ANKRD46: variants seen among roughly 807,000 people sequenced by gnomAD.
The protein encoded by ANKRD46 is ankyrin repeat domain 46.
A neutral mutation model predicts 19.8 loss-of-function variants in ANKRD46; 13 were observed. That is an observed-to-expected ratio of 0.66 (90% confidence interval 0.43 to 1.04). ANKRD46 has a LOEUF of 1.04. Ranked by LOEUF, ANKRD46 falls within the 50% of genes least tolerant of loss-of-function variation. The probability of loss-of-function intolerance (pLI) is 0.00; values close to 1 mark genes in which losing one functional copy is unlikely to be tolerated. For missense variants in ANKRD46, 185 were observed against 274.8 expected, an observed-to-expected ratio of 0.67 and a Z score of 2.31; for synonymous variants, 91 against 106.9, an observed-to-expected ratio of 0.85 and a Z score of 0.92.
intron 1 of ANKRD46, among the ~76,000 whole-genome samples, chr8:100,540,868 C>G (rs927995042): frequency 5.3e-5 from 8 of 152,002 alleles, no homozygotes; most frequent in Non-Finnish European, 1.0e-4. Context: ...ACTTCCTCCT[C>G]AGGAGGTTTC....
rs1812231656 is a variant in ANKRD46 at position 100,544,367 on chromosome 8, C to G, written c.-130-11056G>C. Among the ~76,000 whole-genome samples the G allele has an allele frequency of 1.3e-5, 2 of 152,202 alleles. No homozygotes were observed. Among genetic ancestry groups the G allele is most frequent in the African/African-American group, 4.8e-5 (2 of 41,452 alleles). On this transcript the variant is annotated intron_variant, in intron 1 of 4. Transcript: ENST00000335659. The surrounding 1 kb of genome is among the most constrained non-coding windows in gnomAD (Gnocchi z 4.4). The stretch of plus-strand genomic sequence containing the variant: ...AGGGGCCTAGCAATTGGAGAAAAGA[C>G]TATAATCAACATCTAGAAAGAAGTG...
At chr8:100,528,025 A>C (rs1563927480) in intron 3 of ANKRD46, 22 bp from the exon 4 acceptor site, 1 of 1,518,146 alleles carries the variant, frequency 6.6e-7, no homozygotes, top group South Asian at 1.3e-5. Flanking sequence ...AAAAAAAAAA[A>C]AAGTTTATAA....
At chr8:100,553,103 A>G (rs532473717) in intron 1 of ANKRD46, among the ~76,000 whole-genome samples, 15 of 152,374 alleles carry the variant, frequency 9.8e-5, no homozygotes, top group African/African-American at 3.4e-4. Flanking sequence ...GAGATTGAAC[A>G]CTGACTGAGA....
At position 100,559,646 on chromosome 8, in the gene ANKRD46, G is replaced by A. The variant is rs1369342899; in HGVS notation, c.-131+65C>T. On this transcript the variant is annotated intron_variant, in intron 1 of 4. Coordinates refer to ENST00000335659, the MANE Select transcript of ANKRD46 (RefSeq NM_001270377.2). The surrounding 1 kb of genome is among the most constrained non-coding windows in gnomAD (Gnocchi z 6.0). ...GCCTACTGGACCTCCAGTGCTACAG[G>A]GACGGTGCAGGAGATATCAAGTGGC... 4 of 152,460 alleles carry A rather than the reference G, an allele frequency of 2.6e-5. No homozygotes were observed. The highest frequency in any genetic ancestry group is 2.9e-5 in the Non-Finnish European group (2 of 68,216). 9.4% of individuals were successfully genotyped at this position (152,460 alleles called of 1,614,324 possible).
chr8:100,558,612 A>G (rs1812549566), intron 1 of ANKRD46, among the ~76,000 whole-genome samples: 1 of 152,222 alleles, frequency 6.6e-6, no homozygotes, highest in African/African-American at 2.4e-5. Context: ...TCCTGCATAT[A>G]ACCATGAAAA....
downstream of ANKRD46, chr8:100,520,741 T>TAAAAAAAAAAAAA (rs5893523): frequency 7.4e-6 from 5 of 677,886 alleles, no homozygotes; most frequent in African/African-American, 2.4e-5. Context: ...TATAATACAC[T>TAAAAAAAAAAAAA]AAAAAAAAAA....
At chr8:100,533,109 A>G (rs1811998330) in intron 2 of ANKRD46, 100 bp downstream of exon 2, 2 of 152,222 alleles carry the variant, frequency 1.3e-5, no homozygotes, top group South Asian at 2.1e-4. Context: ...AAGCCCAATG[A>G]TAGTTATTTT....
intron 3 of ANKRD46, 126 bp from the exon 4 acceptor site, chr8:100,528,129 A>C: frequency 2.0e-5 from 21 of 1,046,730 alleles, no homozygotes; most frequent in Non-Finnish European, 2.4e-5. Flanking sequence ...AATGGGCCCA[A>C]TTAGGGCCTA....
In ANKRD46 at chr8:100,545,321, G is replaced by A. The variant is rs11993822; in HGVS notation, c.-130-12010C>T. Among the ~76,000 whole-genome samples, 19,307 of 152,082 alleles carry A rather than the reference G, an allele frequency of 0.13. 2,502 individuals carry two copies. Among genetic ancestry groups the A allele is most frequent in the African/African-American group, 0.32 (13,376 of 41,422 alleles). On this transcript the variant is annotated intron_variant, in intron 1 of 4. Coordinates refer to ENST00000335659, the MANE Select transcript of ANKRD46 (RefSeq NM_001270377.2). The surrounding 1 kb of genome is among the most constrained non-coding windows in gnomAD (Gnocchi z 4.7). ...ACATATCAAGGAAGGGACCTGGTGGGAGGTGAATGGAGCATGGGGGTGGTT... is the reference window on the plus strand; with the variant it reads ...ACATATCAAGGAAGGGACCTGGTGGAAGGTGAATGGAGCATGGGGGTGGTT...
At position 100,532,975 on chromosome 8, in the gene ANKRD46, T is replaced by C. The variant is rs956776499; in HGVS notation, c.-28+234A>G. 6.6e-6 allele frequency among the ~76,000 whole-genome samples: 1 copy of C among 152,244 alleles called. No homozygotes were observed. The highest frequency in any genetic ancestry group is 1.5e-5 in the Non-Finnish European group (1 of 68,040). On this transcript the variant is annotated intron_variant, in intron 2 of 4. Transcript: ENST00000335659. This position sits in a 1 kb window ranked among gnomAD's most constrained non-coding sequence, Gnocchi z 4.7. ...TCTTGTGGTTTGCAGACTAGGATACTTCTGAGTGTTGGCTCAGCAAGAAAT... is the reference window on the plus strand; with the variant it reads ...TCTTGTGGTTTGCAGACTAGGATACCTCTGAGTGTTGGCTCAGCAAGAAAT...
intron 1 of ANKRD46, among the ~76,000 whole-genome samples, chr8:100,558,006 A>G (rs1463529936): frequency 6.6e-6 from 1 of 152,216 alleles, no homozygotes; most frequent in Non-Finnish European, 1.5e-5. Flanking sequence ...CTCCTGGAAG[A>G]CAAGGACTTC....
Position 100,510,865 on chromosome 8 carries a change from T to C in ANKRD46, c.637-226A>G, listed in dbSNP as rs932618400. On this transcript the variant is annotated intron_variant, in intron 5 of 5. Coordinates refer to the ANKRD46 transcript ENST00000520552. The surrounding 1 kb of genome is among the most constrained non-coding windows in gnomAD (Gnocchi z 4.9). ...AGGCTGGGAAGATTGGCAAGGACTG[T>C]GTTCAATGTCCTCTCGAGCTAATAA... 3.9e-5 allele frequency among the ~76,000 whole-genome samples: 6 copies of C among 152,162 alleles called. No homozygotes were observed. The highest frequency in any genetic ancestry group is 6.5e-5 in the Admixed American group (1 of 15,276).
In ANKRD46 at chr8:100,537,206, C is replaced by A. The variant is rs148141173; in HGVS notation, c.-130-3895G>T. On this transcript the variant is annotated intron_variant, in intron 1 of 4. Coordinates refer to ENST00000335659, the MANE Select transcript of ANKRD46 (RefSeq NM_001270377.2). This position sits in a 1 kb window ranked among gnomAD's most constrained non-coding sequence, Gnocchi z 4.2. Reference sequence around the variant, plus strand: ...CTTATAACTAAAAATTGTTCTATATCCAATATCAACAAGAATACATAATAG... The same window carrying A: ...CTTATAACTAAAAATTGTTCTATATACAATATCAACAAGAATACATAATAG... Among the ~76,000 whole-genome samples, 1,168 of 152,156 alleles carry A rather than the reference C, an allele frequency of 7.7e-3. 6 individuals carry two copies. The highest frequency in any genetic ancestry group is 0.012 in the Non-Finnish European group (822 of 67,992).
chr8:100,532,706 T>C lies in ANKRD46; in HGVS notation c.-28+503A>G, dbSNP rs1341989934. ...GCTTTAAAAAATTGCAAAAAAAATC[T>C]CAGAATGTTTTTTAAAAGTTTATGA... is the stretch of plus-strand genomic sequence containing the variant. On this transcript the variant is annotated intron_variant, in intron 2 of 4. Coordinates refer to ENST00000335659, the MANE Select transcript of ANKRD46 (RefSeq NM_001270377.2). This position sits in a 1 kb window ranked among gnomAD's most constrained non-coding sequence, Gnocchi z 4.7. Among the ~76,000 whole-genome samples, 11 of 152,138 alleles carry C rather than the reference T, an allele frequency of 7.2e-5. No homozygotes were observed. Among genetic ancestry groups the C allele is most frequent in the Middle Eastern group, 3.2e-3 (1 of 316 alleles).
downstream of ANKRD46, among the ~76,000 whole-genome samples, chr8:100,518,803 G>C (rs1397761581): frequency 2.0e-5 from 3 of 151,356 alleles, no homozygotes; most frequent in Non-Finnish European, 4.4e-5. Context: ...AGTGAGCCAA[G>C]ATTGCACCAC....
At chr8:100,551,020 C>T (rs567190603) in intron 1 of ANKRD46, 16 of 518,364 alleles carry the variant, frequency 3.1e-5, no homozygotes, top group Admixed American at 1.1e-4. Flanking sequence ...CAGAAGGACA[C>T]GGAAGGCCAT....
rs916700307 is a variant in ANKRD46, at chr8:100,524,249, G to T, written c.471-1478C>A. On this transcript the variant is annotated intron_variant, in intron 4 of 4. Coordinates refer to ENST00000335659, the MANE Select transcript of ANKRD46 (RefSeq NM_001270377.2). The surrounding 1 kb of genome is among the most constrained non-coding windows in gnomAD (Gnocchi z 4.3). ...TTTAGATTAAAGCCACCATAACCAT[G>T]ATCATAGGAATCAACTATCTACTGG... is the stretch of plus-strand genomic sequence containing the variant. Among the ~76,000 whole-genome samples, 8 of 152,146 alleles carry T rather than the reference G, an allele frequency of 5.3e-5. No individual in the cohort carries two copies. The highest frequency in any genetic ancestry group is 1.9e-4 in the African/African-American group (8 of 41,428).
At position 100,545,842 on chromosome 8, in the gene ANKRD46, T is replaced by C. The variant is rs1164201655; in HGVS notation, c.-130-12531A>G. Among the ~76,000 whole-genome samples the C allele has an allele frequency of 6.6e-6, 1 of 152,326 alleles. No homozygotes were observed. On this transcript the variant is annotated intron_variant, in intron 1 of 4. Coordinates refer to ENST00000335659, the MANE Select transcript of ANKRD46 (RefSeq NM_001270377.2). This position sits in a 1 kb window ranked among gnomAD's most constrained non-coding sequence, Gnocchi z 4.7. ...AAGAGATGAGGGACTTTTTGGGAAC[T>C]GGAGTAAAGGTCACTCATGCTATGC... is the stretch of plus-strand genomic sequence containing the variant.
In ANKRD46 at chr8:100,539,389, C is replaced by T. The variant is rs116811093; in HGVS notation, c.-130-6078G>A. 7.1e-3 allele frequency among the ~76,000 whole-genome samples: 1,079 copies of T among 152,272 alleles called. 16 individuals carry two copies. The highest frequency in any genetic ancestry group is 0.025 in the African/African-American group (1,033 of 41,538). ...AGTAAATAAAAGGAGGAACTAAGAA[C>T]ACTATCCTTTTAGGATATCCCAGTA... is the stretch of plus-strand genomic sequence containing the variant. On this transcript the variant is annotated intron_variant, in intron 1 of 4. Coordinates refer to ENST00000335659, the MANE Select transcript of ANKRD46 (RefSeq NM_001270377.2).
Sources: gnomAD v4.1 joint callset for allele counts (sites outside exome capture counted in the v4.1 genomes callset) on GRCh38, gnomAD v4.1.1 for gene constraint, Gnocchi (gnomAD v3.1) non-coding constraint, MANE v1.5 for transcripts, NCBI Gene and HGNC (gene_info 2026-07-23, HGNC 2026-07-21) for gene names.